ADAMTS14: variants seen among roughly 807,000 people sequenced by gnomAD.
ADAMTS14 encodes A disintegrin and metalloproteinase with thrombospondin motifs 14.
ADAMTS14 carries 100 observed loss-of-function variants against 128.6 expected under a neutral mutation model. That is an observed-to-expected ratio of 0.78 (90% CI 0.66 to 0.92). ADAMTS14 has a LOEUF of 0.92. Ranked by LOEUF, ADAMTS14 falls within the 40% of genes least tolerant of loss-of-function variation. The pLI is 0.00. For synonymous variants in ADAMTS14, 665 were observed against 653.8 expected (o/e 1.02, Z -0.26); for missense variants, 1,562 against 1,658.6 (o/e 0.94, Z 1.01).
At chr10:70,706,146 G>A (rs1302070374) in intron 3 of ADAMTS14, among the ~76,000 whole-genome samples, 1 of 150,550 alleles carries the variant, frequency 6.6e-6, no homozygotes, top group Non-Finnish European at 1.5e-5. Context: ...AAGAGGGTGT[G>A]GCTGGAGCCC....
chr10:70,692,801 G>A (rs1840228322), intron 2 of ADAMTS14, among the ~76,000 whole-genome samples: 1 of 152,174 alleles, frequency 6.6e-6, no homozygotes, highest in Non-Finnish European at 1.5e-5. Context: ...GGGGGGTAAG[G>A]ACTTTTCCCC....
intron 4 of ADAMTS14, among the ~76,000 whole-genome samples, chr10:70,723,471 C>T (rs1269808344): frequency 2.6e-5 from 4 of 152,210 alleles, no homozygotes; most frequent in African/African-American, 9.7e-5. Flanking sequence ...TTGGAATAAA[C>T]TGGGTATGGG....
chr10:70,752,049 G>C (rs762409850), intron 17 of ADAMTS14, 46 bp from the exon 18 acceptor site: 3 of 1,578,172 alleles, frequency 1.9e-6, no homozygotes, highest in Non-Finnish European at 2.6e-6. Flanking sequence ...CAGGGCAATG[G>C]GGGGCCTGGC....
chr10:70,724,918 TCTC>T (rs1351008588), intron 4 of ADAMTS14, among the ~76,000 whole-genome samples: 1 of 152,122 alleles, frequency 6.6e-6, no homozygotes, highest in Non-Finnish European at 1.5e-5. Flanking sequence ...ACTCTTCACT[TCTC>T]CTTGTGCTTT....
chr10:70,709,809 A>G (rs1185686491), intron 4 of ADAMTS14, among the ~76,000 whole-genome samples: 1 of 152,210 alleles, frequency 6.6e-6, no homozygotes, highest in Non-Finnish European at 1.5e-5. Context: ...CTACATTTCC[A>G]GTTTTTAAAT....
intron 4 of ADAMTS14, among the ~76,000 whole-genome samples, chr10:70,727,827 G>A (rs575172892): frequency 5.9e-5 from 9 of 152,306 alleles, no homozygotes; most frequent in Admixed American, 5.9e-4. Flanking sequence ...CGGGCGCGGT[G>A]GCTCACGCCT....
intron 7 of ADAMTS14, among the ~76,000 whole-genome samples, chr10:70,733,248 C>T (rs1841707727): frequency 6.6e-6 from 1 of 152,220 alleles, no homozygotes; most frequent in Non-Finnish European, 1.5e-5. Context: ...ATGCAGCCAT[C>T]TGGGAATGTT....
chr10:70,679,698 C>T (rs773042690), intron 2 of ADAMTS14, among the ~76,000 whole-genome samples: 5 of 152,262 alleles, frequency 3.3e-5, no homozygotes, highest in Admixed American at 1.3e-4. Context: ...CCTTTGCCTT[C>T]AGTGCCTCTG....
At position 70,702,307 on chromosome 10, in the gene ADAMTS14, T is replaced by A; in HGVS notation, c.523-5T>A. The A allele has an allele frequency of 1.2e-6, 2 of 1,614,152 alleles. No homozygotes were observed. Among genetic ancestry groups the A allele is most frequent in the Non-Finnish European group, 1.7e-6 (2 of 1,180,032 alleles). ...CTTTCCCGCTGCTTGCCGTCCCTGGTTCAGGCGGGCCTCATCCGCACAGAC... is the reference window on the plus strand; with the variant it reads ...CTTTCCCGCTGCTTGCCGTCCCTGGATCAGGCGGGCCTCATCCGCACAGAC... On this transcript the variant is annotated splice_polypyrimidine_tract_variant and splice_region_variant and intron_variant, in intron 2 of 21. Coordinates refer to ENST00000373207, the MANE Select transcript of ADAMTS14 (RefSeq NM_080722.4).
chr10:70,734,082 C>G (rs1841743700), intron 8 of ADAMTS14, 54 bp downstream of exon 8: 4 of 1,585,028 alleles, frequency 2.5e-6, no homozygotes. Flanking sequence ...ACCTGCCACT[C>G]TGAGCAGACA....
chr10:70,675,545 C>T (rs895422174), intron 2 of ADAMTS14, among the ~76,000 whole-genome samples: 10 of 152,234 alleles, frequency 6.6e-5, no homozygotes, highest in East Asian at 3.9e-4. Context: ...TGTAACATTG[C>T]GACGTCGTGT....
intron 16 of ADAMTS14, 57 bp downstream of exon 16, chr10:70,750,042 C>A: frequency 6.3e-6 from 10 of 1,588,966 alleles, no homozygotes; most frequent in Non-Finnish European, 8.6e-6. Flanking sequence ...CCCCTTAGCT[C>A]GCTACATCTG....
Position 70,733,907 on chromosome 10 carries a change from C to T in ADAMTS14, c.1231C>T (p.Gln411Ter). The change falls in exon 8 of 22, where the codon CAG (glutamine) becomes TAG (stop). Residue 411 changes from glutamine to a stop codon, truncating the protein, a stop_gained. Coordinates refer to ENST00000373207, the MANE Select transcript of ADAMTS14 (RefSeq NM_080722.4). LOFTEE classifies it high-confidence loss of function. ...GHVLGMEHDG[Q>*]GNGCADETSL... ...CAGGCTCGGCATGGAGCATGACGGTCAGGGGAATGGCTGTGCAGATGAGAC... is the reference window on the plus strand; with the variant it reads ...CAGGCTCGGCATGGAGCATGACGGTTAGGGGAATGGCTGTGCAGATGAGAC... The T allele has an allele frequency of 6.2e-7, 1 of 1,613,638 alleles. No individual in the cohort carries two copies. Among genetic ancestry groups the T allele is most frequent in the East Asian group, 2.2e-5 (1 of 44,854 alleles).
At chr10:70,700,340 T>C (rs949136189) in intron 2 of ADAMTS14, among the ~76,000 whole-genome samples, 1 of 152,088 alleles carries the variant, frequency 6.6e-6, no homozygotes, top group Non-Finnish European at 1.5e-5. Flanking sequence ...GCTCTTTCCT[T>C]CCCGGGTTGG....
intron 4 of ADAMTS14, among the ~76,000 whole-genome samples, chr10:70,709,136 G>A (rs995070167): frequency 1.3e-5 from 2 of 152,220 alleles, no homozygotes; most frequent in African/African-American, 4.8e-5. Context: ...AGCCTTGCTT[G>A]TGTTGGAGTT....
rs187826250 is a variant in ADAMTS14 at position 70,696,492 on chromosome 10, A to G, written c.523-5820A>G. Among the ~76,000 whole-genome samples the G allele has an allele frequency of 1.7e-4, 26 of 152,296 alleles. No individual in the cohort carries two copies. The East Asian group carries it at 3.5e-3, about 20-fold the overall frequency. On this transcript the variant is annotated intron_variant, in intron 2 of 21. Transcript: ENST00000373207. ...TGAGCTGCTGATTTCAAGTGAGAAC[A>G]GTAGGCACCTGTGTGCACGCGTGGA...
At chr10:70,721,357 CTT>C in intron 4 of ADAMTS14, among the ~76,000 whole-genome samples, 1 of 150,542 alleles carries the variant, frequency 6.6e-6, no homozygotes, top group African/African-American at 2.4e-5. Flanking sequence ...AGACTTAGGT[CTT>C]TATCATATGT....
intron 10 of ADAMTS14, among the ~76,000 whole-genome samples, chr10:70,738,319 C>G (rs1841888676): frequency 6.6e-6 from 1 of 152,154 alleles, no homozygotes; most frequent in African/African-American, 2.4e-5. Flanking sequence ...GCTAAAGTAG[C>G]CACACGTAGC....
chr10:70,687,965 ACC>A (rs1258101292), intron 2 of ADAMTS14, among the ~76,000 whole-genome samples: 1 of 29,132 alleles, frequency 3.4e-5, no homozygotes, highest in Non-Finnish European at 6.3e-5. Flanking sequence ...CGGGGGGCTG[ACC>A]CCCCCCCCGA....
Sources: allele counts gnomAD v4.1 joint callset (sites outside exome capture counted in the v4.1 genomes callset), GRCh38; gene constraint gnomAD v4.1.1; transcripts MANE v1.5; gene names NCBI Gene and HGNC (gene_info 2026-07-23, HGNC 2026-07-21).